PHACTR3: variants seen among roughly 807,000 people sequenced by gnomAD.
PHACTR3 encodes the protein phosphatase and actin regulator 3.
A neutral mutation model predicts 66.8 loss-of-function variants in PHACTR3; 16 were observed. That is an observed-to-expected ratio of 0.24 (90% CI 0.16 to 0.36). The LOEUF is 0.36. Ranked by LOEUF, PHACTR3 falls within the 10% of genes least tolerant of loss-of-function variation. The probability of loss-of-function intolerance (pLI) is 1.00; values close to 1 mark genes in which losing one functional copy is unlikely to be tolerated. For missense variants in PHACTR3, 647 were observed against 719.9 expected (o/e 0.90, Z 1.16); for synonymous variants, 323 against 292.1 (o/e 1.11, Z -1.08).
intron 1 of PHACTR3, among the ~76,000 whole-genome samples, chr20:59,670,606 G>GGGT (rs1568692616): frequency 1.4e-5 from 1 of 70,264 alleles, no homozygotes; most frequent in Non-Finnish European, 2.5e-5. Flanking sequence ...TGCCGGGGGT[G>GGGT]GGGGGGGGGG....
At chr20:59,682,913 G>A (rs2036718837) in intron 1 of PHACTR3, among the ~76,000 whole-genome samples, 1 of 152,186 alleles carries the variant, frequency 6.6e-6, no homozygotes, top group African/African-American at 2.4e-5. Context: ...TGCTCTGAGT[G>A]TGACGGGTCG....
At position 59,767,247 on chromosome 20, in the gene PHACTR3, C is replaced by T. The variant is rs751629087; in HGVS notation, c.603C>T (p.Thr201=). 12 of 1,614,150 alleles carry T rather than the reference C, an allele frequency of 7.4e-6. No individual in the cohort carries two copies. Among genetic ancestry groups the T allele is most frequent in the Middle Eastern group, 3.3e-4 (2 of 6,084 alleles). Residue 201 remains threonine, a synonymous_variant, in exon 5 of 13, where the codon ACC becomes ACT. Coordinates refer to ENST00000371015, the MANE Select transcript of PHACTR3 (RefSeq NM_080672.5). ...EADAGSLLPT[T]NELSQALAGA... ...ACGCTGGCAGCCTCCTGCCCACCAC[C>T]AATGAGCTCTCCCAAGCCTTAGCTG...
chr20:59,757,878 G>A (rs1249367481), intron 4 of PHACTR3, among the ~76,000 whole-genome samples: 3 of 152,210 alleles, frequency 2.0e-5, no homozygotes, highest in African/African-American at 7.2e-5. Flanking sequence ...GCTGAGGCGG[G>A]AGGATAGCCT....
chr20:59,594,900 T>C lies in PHACTR3; in HGVS notation c.109+17283T>C, dbSNP rs113906186. On this transcript the variant is annotated intron_variant, in intron 1 of 12. Transcript: ENST00000359926. Reference sequence around the variant, plus strand: ...CCTTAGATAACTGATTTTAGATCTTTCTTCTTTTCTAGGATATACCTTCAG... The same window carrying C: ...CCTTAGATAACTGATTTTAGATCTTCCTTCTTTTCTAGGATATACCTTCAG... 1.6e-3 allele frequency among the ~76,000 whole-genome samples: 238 copies of C among 152,332 alleles called. 2 individuals carry two copies. The highest frequency in any genetic ancestry group is 5.0e-3 in the African/African-American group (209 of 41,576).
chr20:59,802,782 T>A (rs1163173695), intron 7 of PHACTR3, among the ~76,000 whole-genome samples: 1 of 152,214 alleles, frequency 6.6e-6, no homozygotes, highest in Non-Finnish European at 1.5e-5. Context: ...CCACCACATT[T>A]GCTGGAGTTG....
intron 8 of PHACTR3, among the ~76,000 whole-genome samples, chr20:59,823,997 A>T (rs1047814727): frequency 5.3e-5 from 8 of 152,250 alleles, no homozygotes; most frequent in African/African-American, 1.9e-4. Context: ...CAGGGAGGCC[A>T]CGAAGTCAGC....
intron 4 of PHACTR3, among the ~76,000 whole-genome samples, chr20:59,761,990 T>C: frequency 6.6e-6 from 1 of 152,222 alleles, no homozygotes; most frequent in East Asian, 1.9e-4. Context: ...TGTTGCAATT[T>C]CAGTTTTGAC....
chr20:59,762,327 C>G (rs2040020159), intron 4 of PHACTR3, among the ~76,000 whole-genome samples: 1 of 152,238 alleles, frequency 6.6e-6, no homozygotes, highest in Non-Finnish European at 1.5e-5. Flanking sequence ...TTACCCTGTG[C>G]CTTAAGGCAG....
At chr20:59,844,364 G>T (rs1225592358) in intron 11 of PHACTR3, 1 of 152,090 alleles carries the variant, frequency 6.6e-6, no homozygotes, top group African/African-American at 2.4e-5. Context: ...GTACTCCCCT[G>T]TTCACTGCAG....
chr20:59,710,839 G>A (rs1010204439), intron 1 of PHACTR3, among the ~76,000 whole-genome samples: 1 of 151,924 alleles, frequency 6.6e-6, no homozygotes, highest in Non-Finnish European at 1.5e-5. Flanking sequence ...CACCTGTCAG[G>A]ATCCTACCCA....
chr20:59,795,805 A>G (rs2041238346), intron 7 of PHACTR3, among the ~76,000 whole-genome samples: 1 of 152,034 alleles, frequency 6.6e-6, no homozygotes, highest in African/African-American at 2.4e-5. Flanking sequence ...TTGGGTTTCA[A>G]TTTGCATGGA....
chr20:59,623,788 G>A (rs2034351629), intron 1 of PHACTR3, among the ~76,000 whole-genome samples: 1 of 152,212 alleles, frequency 6.6e-6, no homozygotes, highest in Non-Finnish European at 1.5e-5. Context: ...GGTGCGTGGG[G>A]ATGGGGAGGT....
Position 59,806,411 on chromosome 20 carries a change from G to A in PHACTR3, c.1328+217G>A, listed in dbSNP as rs1489898178. On this transcript the variant is annotated intron_variant, in intron 8 of 12. Transcript: ENST00000371015. ...TGCTCAGATGTTTAGCGGCATTCTC[G>A]GCCTCTACACACTACACCTCCCGTG... Among the ~76,000 whole-genome samples the A allele has an allele frequency of 6.6e-5, 10 of 152,296 alleles. No homozygotes were observed. In the Middle Eastern group the frequency reaches 0.014, roughly 207 times the overall value.
chr20:59,609,833 G>A (rs1336465364), intron 1 of PHACTR3, among the ~76,000 whole-genome samples: 3 of 152,148 alleles, frequency 2.0e-5, no homozygotes, highest in Non-Finnish European at 2.9e-5. Context: ...TAATTACCTT[G>A]TCAGCTTCTT....
At chr20:59,609,523 T>A (rs2033785958) in intron 1 of PHACTR3, among the ~76,000 whole-genome samples, 1 of 107,308 alleles carries the variant, frequency 9.3e-6, no homozygotes, top group Non-Finnish European at 1.7e-5. Context: ...CTACCTTCCC[T>A]TTCCTGGACA....
At chr20:59,669,448 A>G (rs1450521282) in intron 1 of PHACTR3, among the ~76,000 whole-genome samples, 2 of 152,220 alleles carry the variant, frequency 1.3e-5, no homozygotes, top group Non-Finnish European at 2.9e-5. Flanking sequence ...GTTTTCTTTC[A>G]ATTCTTTTGG....
chr20:59,716,252 G>A (rs1202731661), intron 1 of PHACTR3, among the ~76,000 whole-genome samples: 17 of 114,304 alleles, frequency 1.5e-4, no homozygotes, highest in South Asian at 1.0e-3. Context: ...GTGTGTGTGT[G>A]TGTGTGTGTG....
intron 1 of PHACTR3, among the ~76,000 whole-genome samples, chr20:59,631,071 G>A (rs2034642729): frequency 1.3e-5 from 2 of 152,224 alleles, no homozygotes; most frequent in Admixed American, 1.3e-4. Context: ...AAGTTAAAGT[G>A]TGCGTTGAGC....
rs2035527420 is a variant in PHACTR3, at chr20:59,653,625, A to G, written c.118+48493A>G. Among the ~76,000 whole-genome samples the G allele has an allele frequency of 2.0e-5, 3 of 152,210 alleles. No homozygotes were observed. The South Asian group carries it at 6.2e-4, about 32-fold the overall frequency. ...GATTAGTGTTATTATTAGCTGTAAT[A>G]TGGATGTTATTATTTTGAAATTATA... On this transcript the variant is annotated intron_variant, in intron 1 of 12. Transcript: ENST00000371015.
Sources: allele counts gnomAD v4.1 joint callset (sites outside exome capture counted in the v4.1 genomes callset), GRCh38; gene constraint gnomAD v4.1.1; transcripts MANE v1.5; gene names NCBI Gene and HGNC (gene_info 2026-07-23, HGNC 2026-07-21).